Variants in FKBP5 observed in about 807,000 individuals in gnomAD.
FKBP5 encodes the protein FKBP prolyl isomerase 5, also known as peptidyl-prolyl cis-trans isomerase FKBP5.
A neutral mutation model predicts 50.5 loss-of-function variants in FKBP5; 23 were observed. The ratio of observed to expected loss-of-function variants is 0.46; its 90% CI spans 0.33 to 0.65. FKBP5 has a LOEUF of 0.65. FKBP5 is among the 30% of genes least tolerant of loss of function. The pLI is 0.02. For synonymous variants in FKBP5, 176 were observed against 190.6 expected (o/e 0.92, Z 0.63); for missense variants, 411 against 553.1 (o/e 0.74, Z 2.58).
At position 35,637,014 on chromosome 6, in the gene FKBP5, C is replaced by T. The variant is rs779934653; in HGVS notation, c.250G>A (p.Gly84Ser). ...NEPFVFSLGKGQVIKAWDIGV... is the reference protein window; with the variant it reads ...NEPFVFSLGKSQVIKAWDIGV... ...ACAACTCAAAAAAATACCCTCTTAC[C>T]TTTGCCAAGACTAAAGACAAATGGT... The change falls in exon 3 of 11, where the codon GGC becomes AGC. Residue 84 changes from glycine to serine, a missense_variant and splice_region_variant. By Grantham distance (56) the Gly-to-Ser change is moderately conservative. Coordinates refer to ENST00000357266, the MANE Select transcript of FKBP5 (RefSeq NM_004117.4). The T allele has an allele frequency of 6.3e-7, 1 of 1,592,132 alleles. No homozygotes were observed.
chr6:35,645,652 T>C (rs1764609607), intron 1 of FKBP5, among the ~76,000 whole-genome samples: 2 of 152,222 alleles, frequency 1.3e-5, no homozygotes. Context: ...TATTATGGTT[T>C]TATGCAGAGT....
intron 9 of FKBP5, among the ~76,000 whole-genome samples, chr6:35,577,910 T>C (rs905712253): frequency 1.3e-5 from 2 of 151,776 alleles, no homozygotes; most frequent in African/African-American, 4.8e-5. Flanking sequence ...AAAAATTAGC[T>C]GGGCATGGTG....
At chr6:35,646,072 T>A (rs1250515202) in intron 1 of FKBP5, among the ~76,000 whole-genome samples, 1 of 152,320 alleles carries the variant, frequency 6.6e-6, no homozygotes, top group African/African-American at 2.4e-5. Context: ...GCCGAGGTCA[T>A]GCCACTGCAC....
At chr6:35,683,463 A>G (rs1765737784) in intron 1 of FKBP5, among the ~76,000 whole-genome samples, 1 of 150,658 alleles carries the variant, frequency 6.6e-6, no homozygotes, top group Admixed American at 6.6e-5. Context: ...CCTGGTATAT[A>G]TATATACTTT....
intron 5 of FKBP5, among the ~76,000 whole-genome samples, chr6:35,613,841 C>CA (rs1763566287): frequency 6.6e-6 from 1 of 152,148 alleles, no homozygotes; most frequent in Non-Finnish European, 1.5e-5. Flanking sequence ...CAGGAAAGTA[C>CA]ATTCTAACAA....
At chr6:35,714,769 G>A (rs554977401) in intron 2 of FKBP5, among the ~76,000 whole-genome samples, 9 of 148,360 alleles carry the variant, frequency 6.1e-5, no homozygotes, top group South Asian at 2.1e-4. Context: ...GTGAGCTATC[G>A]TGCCATTGCA....
Position 35,597,316 on chromosome 6 carries a change from T to G in FKBP5, c.597A>C (p.Pro199=). ...TVGEGEDHDI[P]IGIDKALEKM... ...TCTCCAGAGCTTTGTCAATTCCAAT[T>G]GGAATGTCGTGGTCTTCTCCTTCGC... The change falls in exon 6 of 11, where the codon CCA becomes CCC. Residue 199 remains proline, a synonymous_variant. Coordinates refer to ENST00000357266, the MANE Select transcript of FKBP5 (RefSeq NM_004117.4). 6.2e-7 allele frequency: 1 copy of G among 1,614,200 alleles called. No individual in the cohort carries two copies. Among genetic ancestry groups the G allele is most frequent in the Non-Finnish European group, 8.5e-7 (1 of 1,180,034 alleles).
chr6:35,588,118 C>A (rs774148721), intron 7 of FKBP5, among the ~76,000 whole-genome samples: 1 of 151,606 alleles, frequency 6.6e-6, no homozygotes, highest in African/African-American at 2.4e-5. Flanking sequence ...CTCTGCCTCC[C>A]GGGTTCAAGT....
intron 5 of FKBP5, among the ~76,000 whole-genome samples, chr6:35,610,292 C>T (rs1763449643): frequency 6.6e-6 from 1 of 152,024 alleles, no homozygotes; most frequent in Admixed American, 6.6e-5. Context: ...AAAGGCCGGG[C>T]GTGGTGGTTC....
At position 35,577,241 on chromosome 6, in the gene FKBP5, T is replaced by G. The variant is rs1762250556; in HGVS notation, c.1027-8A>C. The G allele has an allele frequency of 1.9e-6, 3 of 1,560,444 alleles. No homozygotes were observed. Among genetic ancestry groups the G allele is most frequent in the Non-Finnish European group, 2.6e-6 (3 of 1,153,582 alleles). On this transcript the variant is annotated splice_region_variant and splice_polypyrimidine_tract_variant and intron_variant, in intron 9 of 10. Coordinates refer to ENST00000357266, the MANE Select transcript of FKBP5 (RefSeq NM_004117.4). ...ACTGTCCAGTCCAAGGGCCTAGGAA[T>G]AGATGGTCTATATTTTAGAAAGGAC...
intron 5 of FKBP5, among the ~76,000 whole-genome samples, chr6:35,603,660 C>T (rs986131747): frequency 6.7e-6 from 1 of 148,408 alleles, no homozygotes; most frequent in African/African-American, 2.5e-5. Context: ...TTTGTAACAA[C>T]AACAACAGCA....
At chr6:35,577,373 C>A (rs1762253566) in intron 9 of FKBP5, 140 bp from the exon 10 acceptor site, 1 of 652,048 alleles carries the variant, frequency 1.5e-6, no homozygotes, top group South Asian at 3.0e-5. Flanking sequence ...TACTACTGAT[C>A]AAAATTTACT....
Position 35,592,971 on chromosome 6 carries a change from T to C in FKBP5, c.666-1751A>G, listed in dbSNP as rs558950597. ...GTATCAAGGGAGGCACCAAGTGTCC[T>C]ATTATTGATGGGATTAAAGAAGACT... On this transcript the variant is annotated intron_variant, in intron 6 of 10. Transcript: ENST00000357266. 9.6e-4 allele frequency among the ~76,000 whole-genome samples: 147 copies of C among 152,340 alleles called. 1 individual carries two copies. Among genetic ancestry groups the C allele is most frequent in the African/African-American group, 3.4e-3 (142 of 41,578 alleles).
intron 3 of FKBP5, among the ~76,000 whole-genome samples, chr6:35,623,406 T>C (rs1445263493): frequency 1.3e-5 from 2 of 152,194 alleles, no homozygotes; most frequent in Admixed American, 6.5e-5. Context: ...CAATCTTCTA[T>C]TGATGCATAT....
At chr6:35,599,713 C>T (rs1041616577) in intron 5 of FKBP5, among the ~76,000 whole-genome samples, 1 of 152,060 alleles carries the variant, frequency 6.6e-6, no homozygotes, top group Non-Finnish European at 1.5e-5. Flanking sequence ...TGGTAGAGCT[C>T]GCATATGGCA....
At chr6:35,597,532 C>T (rs890229112) in intron 5 of FKBP5, 128 bp from the exon 6 acceptor site, 1 of 1,111,396 alleles carries the variant, frequency 9.0e-7, no homozygotes, top group Non-Finnish European at 1.2e-6. Flanking sequence ...TCAAGAGACA[C>T]ACACAGTGTG....
At chr6:35,688,046 G>A (rs562649987) in intron 1 of FKBP5, among the ~76,000 whole-genome samples, 34 of 152,380 alleles carry the variant, frequency 2.2e-4, no homozygotes, top group African/African-American at 8.2e-4. Flanking sequence ...AGGAGCCCTG[G>A]CACAGCGTTC....
intron 1 of FKBP5, among the ~76,000 whole-genome samples, chr6:35,726,643 C>A (rs1318200179): frequency 6.6e-6 from 1 of 151,966 alleles, no homozygotes; most frequent in East Asian, 1.9e-4. Context: ...GAACCACCTT[C>A]TTTCTTCTGA....
chr6:35,618,432 A>C (rs1351068916), intron 5 of FKBP5, among the ~76,000 whole-genome samples: 1 of 152,154 alleles, frequency 6.6e-6, no homozygotes, highest in East Asian at 1.9e-4. Flanking sequence ...ACAATGGCAC[A>C]ATCACGGCTC....
Sources: allele counts gnomAD v4.1 joint callset (sites outside exome capture counted in the v4.1 genomes callset), GRCh38; gene constraint gnomAD v4.1.1; transcripts MANE v1.5; gene names NCBI Gene and HGNC (gene_info 2026-07-23, HGNC 2026-07-21).